CEP112: variants seen among roughly 807,000 people sequenced by gnomAD.
The protein encoded by CEP112 is centrosomal protein 112, also known as centrosomal protein of 112 kDa.
A neutral mutation model predicts 153.0 loss-of-function variants in CEP112; 127 were observed. The ratio of observed to expected loss-of-function variants is 0.83; its 90% CI spans 0.72 to 0.96. CEP112 has a LOEUF of 0.96. CEP112 is among the 40% of genes least tolerant of loss of function. The probability of loss-of-function intolerance (pLI) is 0.00; values close to 1 mark genes in which losing one functional copy is unlikely to be tolerated. For synonymous variants in CEP112, 358 were observed against 374.4 expected, an observed-to-expected ratio of 0.96 and a Z score of 0.51; for missense variants, 1,089 against 1,101.2, an observed-to-expected ratio of 0.99 and a Z score of 0.16.
At position 65,851,993 on chromosome 17, in the gene CEP112, T is replaced by C; in HGVS notation, c.2205A>G (p.Glu735=). Reference sequence around the variant, plus strand: ...GCTGTGAGTTCACATTGATCAATTCTTCTCTCAACTTGTGAACCTGGGCCT... The same window carrying C: ...GCTGTGAGTTCACATTGATCAATTCCTCTCTCAACTTGTGAACCTGGGCCT... ...DMEAQVHKLR[E]ELINVNSQRK... is the part of the protein sequence containing the mutation. Residue 735 remains glutamate (E), a synonymous_variant, in exon 21 of 27, where the codon GAA becomes GAG. Transcript: ENST00000535342. The C allele has an allele frequency of 6.2e-7, 1 of 1,612,962 alleles. No homozygotes were observed. Among genetic ancestry groups the C allele is most frequent in the South Asian group, 1.1e-5 (1 of 90,618 alleles).
intron 23 of CEP112, among the ~76,000 whole-genome samples, chr17:65,737,333 C>A (rs2050861758): frequency 6.6e-6 from 1 of 152,134 alleles, no homozygotes. Context: ...CTTGCCCATG[C>A]CCCTAGGATC....
At chr17:65,800,250 AG>A (rs2055184760) in intron 21 of CEP112, among the ~76,000 whole-genome samples, 2 of 152,290 alleles carry the variant, frequency 1.3e-5, no homozygotes, top group Admixed American at 6.5e-5. Flanking sequence ...CTACCCAAAA[AG>A]GAAATCAATA....
At chr17:66,145,386 TCA>T (rs2070878731) in intron 4 of CEP112, among the ~76,000 whole-genome samples, 1 of 152,266 alleles carries the variant, frequency 6.6e-6, no homozygotes, top group Non-Finnish European at 1.5e-5. Context: ...TTTAGATAGT[TCA>T]GTTTGTAAAT....
At chr17:65,920,359 C>CAAACAAACAAAAAAA (rs1178505560) in intron 19 of CEP112, among the ~76,000 whole-genome samples, 7 of 29,836 alleles carry the variant, frequency 2.3e-4, no homozygotes, top group African/African-American at 9.2e-4. Context: ...AACAAACAAA[C>CAAACAAACAAAAAAA]AAAATATATA....
At chr17:65,853,554 C>T (rs1021932238) in intron 20 of CEP112, among the ~76,000 whole-genome samples, 1 of 152,006 alleles carries the variant, frequency 6.6e-6, no homozygotes, top group Non-Finnish European at 1.5e-5. Context: ...GATGGTGAAA[C>T]CCCGTCTCTA....
At chr17:66,182,480 C>T (rs1466499406) in intron 2 of CEP112, 1 of 152,158 alleles carries the variant, frequency 6.6e-6, no homozygotes, top group East Asian at 1.9e-4. Context: ...AAACAGGCAA[C>T]TTACAGAAAG....
chr17:66,030,121 A>G (rs2084347200), intron 12 of CEP112, 98 bp from the exon 13 acceptor site: 3 of 928,072 alleles, frequency 3.2e-6, no homozygotes, highest in Non-Finnish European at 4.7e-6. Context: ...TATAAGAATA[A>G]ATAAAACAAA....
intron 12 of CEP112, among the ~76,000 whole-genome samples, chr17:66,052,896 C>T (rs990475430): frequency 1.3e-5 from 2 of 151,850 alleles, no homozygotes; most frequent in Admixed American, 1.3e-4. Flanking sequence ...CGCTTGAGTC[C>T]AGGAGTTCAA....
intron 16 of CEP112, among the ~76,000 whole-genome samples, chr17:66,008,680 C>T (rs2064379196): frequency 6.6e-6 from 1 of 152,148 alleles, no homozygotes; most frequent in Admixed American, 6.6e-5. Context: ...CAGCATCTAC[C>T]CATTCCCTGA....
intron 21 of CEP112, among the ~76,000 whole-genome samples, chr17:65,777,788 A>C (rs2053768554): frequency 6.6e-6 from 1 of 152,058 alleles, no homozygotes; most frequent in South Asian, 2.1e-4. Context: ...TTTTTCTGGA[A>C]GAGAATCTAA....
At chr17:65,883,457 T>C (rs2059160279) in intron 20 of CEP112, among the ~76,000 whole-genome samples, 1 of 151,948 alleles carries the variant, frequency 6.6e-6, no homozygotes, top group African/African-American at 2.4e-5. Context: ...GCCTCCTGGG[T>C]TCAAGTGATT....
intron 12 of CEP112, among the ~76,000 whole-genome samples, chr17:66,045,187 C>T (rs926153637): frequency 2.0e-5 from 3 of 152,060 alleles, no homozygotes; most frequent in African/African-American, 4.8e-5. Flanking sequence ...CCTCCCACCT[C>T]GGCCCCACAA....
intron 17 of CEP112, among the ~76,000 whole-genome samples, chr17:65,977,113 T>C (rs1362954807): frequency 1.3e-5 from 2 of 152,234 alleles, no homozygotes; most frequent in Non-Finnish European, 1.5e-5. Context: ...TATAAAGACA[T>C]GAGATCTCAG....
intron 20 of CEP112, among the ~76,000 whole-genome samples, chr17:65,868,682 C>A (rs1250489821): frequency 3.3e-5 from 5 of 152,102 alleles, no homozygotes; most frequent in South Asian, 2.1e-4. Flanking sequence ...ATAGGTTCAA[C>A]CTGTCAATTT....
At chr17:66,010,313 T>A (rs1420871488) in intron 16 of CEP112, among the ~76,000 whole-genome samples, 3 of 152,312 alleles carry the variant, frequency 2.0e-5, no homozygotes, top group Middle Eastern at 6.8e-3. Flanking sequence ...TGATTTTGTA[T>A]CCTGAAAAAA....
intron 6 of CEP112, among the ~76,000 whole-genome samples, chr17:66,106,061 A>C (rs998051492): frequency 6.6e-6 from 1 of 152,120 alleles, no homozygotes; most frequent in Non-Finnish European, 1.5e-5. Flanking sequence ...ATGGGTCAAT[A>C]AAGAAATAAA....
In CEP112 at chr17:66,175,037, T is replaced by C. The variant is rs992765593; in HGVS notation, c.470+7A>G. 1 of 1,548,866 alleles carries C rather than the reference T, an allele frequency of 6.5e-7. No individual in the cohort carries two copies. The highest frequency in any genetic ancestry group is 2.4e-5 in the East Asian group (1 of 42,494). On this transcript the variant is annotated splice_region_variant and intron_variant, in intron 4 of 26. Coordinates refer to ENST00000535342, the MANE Select transcript of CEP112 (RefSeq NM_001199165.4). ...AACACATTCAAAATCCCATTCTCTT[T>C]ACATACCTGTAGACATCAGTTGGCG...
chr17:65,796,980 G>C (rs1333016980), intron 21 of CEP112: 1 of 152,088 alleles, frequency 6.6e-6, no homozygotes, highest in Non-Finnish European at 1.5e-5. Flanking sequence ...CCTGAGCCTG[G>C]GGAAGTCGAG....
chr17:65,957,553 T>C (rs1443859908), intron 18 of CEP112, among the ~76,000 whole-genome samples: 2 of 152,182 alleles, frequency 1.3e-5, no homozygotes, highest in African/African-American at 4.8e-5. Flanking sequence ...ATTTTCATCA[T>C]CCATTTATTC....
Sources: gnomAD v4.1 joint callset for allele counts (sites outside exome capture counted in the v4.1 genomes callset) on GRCh38, gnomAD v4.1.1 for gene constraint, MANE v1.5 for transcripts, NCBI Gene and HGNC (gene_info 2026-07-23, HGNC 2026-07-21) for gene names.